The following DLG2 variants were observed in gnomAD, a reference collection of about 807,000 sequenced individuals.
The protein encoded by DLG2 is disks large homolog 2.
In DLG2, 45 loss-of-function variants were observed where a neutral mutation model predicts 132.5. The observed-to-expected ratio is 0.34, with a 90% CI of 0.27 to 0.44. DLG2 has a LOEUF of 0.44. Ranked by LOEUF, DLG2 falls within the 20% of genes least tolerant of loss-of-function variation. DLG2 has a pLI of 1.00. For missense variants in DLG2, 1,045 were observed against 1,196.9 expected, an observed-to-expected ratio of 0.87 and a Z score of 1.87; for synonymous variants, 424 against 419.6, an observed-to-expected ratio of 1.01 and a Z score of -0.13.
intron 7 of DLG2, among the ~76,000 whole-genome samples, chr11:84,308,951 C>G (rs2098260109): frequency 6.6e-6 from 1 of 152,214 alleles, no homozygotes; most frequent in African/African-American, 2.4e-5. Flanking sequence ...AGGGAGCCGG[C>G]TCCGGCCTTG....
At chr11:85,147,832 C>T (rs551751758) in intron 5 of DLG2, among the ~76,000 whole-genome samples, 48 of 152,094 alleles carry the variant, frequency 3.2e-4, no homozygotes, top group Non-Finnish European at 2.6e-4. Context: ...GGTTGCTGCA[C>T]CTATCAACCA....
At chr11:84,199,382 G>C (rs1566906111) in intron 8 of DLG2, among the ~76,000 whole-genome samples, 1 of 151,868 alleles carries the variant, frequency 6.6e-6, no homozygotes, top group Non-Finnish European at 1.5e-5. Flanking sequence ...TCACTCTCTG[G>C]GAAAAACGTT....
At chr11:84,156,153 G>T (rs148782091) in intron 9 of DLG2, among the ~76,000 whole-genome samples, 1 of 152,268 alleles carries the variant, frequency 6.6e-6, no homozygotes, top group Non-Finnish European at 1.5e-5. Flanking sequence ...GATGCCTAGA[G>T]TATAATTCCA....
intron 18 of DLG2, chr11:83,691,937 G>GT (rs2081073378): frequency 6.6e-6 from 1 of 152,176 alleles, no homozygotes; most frequent in African/African-American, 2.4e-5. Flanking sequence ...CATGGACTAC[G>GT]TAAAGTTGTG....
intron 3 of DLG2, among the ~76,000 whole-genome samples, chr11:85,367,336 T>C (rs2084636689): frequency 6.6e-6 from 1 of 152,150 alleles, no homozygotes; most frequent in African/African-American, 2.4e-5. Flanking sequence ...CTGAAGAGTT[T>C]ACTTAAACTT....
intron 6 of DLG2, among the ~76,000 whole-genome samples, chr11:85,085,684 A>C (rs2067831754): frequency 6.6e-6 from 1 of 152,190 alleles, no homozygotes; most frequent in African/African-American, 2.4e-5. Context: ...CAATTTAATT[A>C]CATTAATATG....
At chr11:84,786,238 C>A (rs72947803) in intron 6 of DLG2, among the ~76,000 whole-genome samples, 352 of 152,200 alleles carry the variant, frequency 2.3e-3, no homozygotes, top group Non-Finnish European at 4.4e-3. Flanking sequence ...TGTAACTACC[C>A]TAAGCCCTCA....
In DLG2 at chr11:84,952,361, C is replaced by CA. The variant is rs777797589; in HGVS notation, c.357+159299dup. Among the ~76,000 whole-genome samples the CA allele has an allele frequency of 1.1e-4, 17 of 152,076 alleles. No homozygotes were observed. In the East Asian group the frequency reaches 1.4e-3, roughly 12 times the overall value. On this transcript the variant is annotated intron_variant, in intron 6 of 27. Coordinates refer to ENST00000376104, the MANE Select transcript of DLG2 (RefSeq NM_001142699.3). ...TGAAACCCCGTCTCTACTAAAAATA[C>CA]AAAAAATTAGCCGGGCGCAGTGGCG...
intron 3 of DLG2, among the ~76,000 whole-genome samples, chr11:85,303,070 A>G (rs772988626): frequency 1.3e-5 from 2 of 152,178 alleles, no homozygotes; most frequent in Non-Finnish European, 2.9e-5. Context: ...GCTCTTAACC[A>G]CTATCCTAAG....
At chr11:84,156,229 C>G (rs1436833390) in intron 9 of DLG2, among the ~76,000 whole-genome samples, 1 of 152,168 alleles carries the variant, frequency 6.6e-6, no homozygotes, top group East Asian at 1.9e-4. Context: ...CTCAAGCTTT[C>G]CTGACTCCCT....
chr11:84,830,599 T>C (rs560602016), intron 6 of DLG2, among the ~76,000 whole-genome samples: 5 of 151,654 alleles, frequency 3.3e-5, no homozygotes, highest in Non-Finnish European at 5.9e-5. Flanking sequence ...GTACTCTCCT[T>C]CACCCTTCAT....
chr11:85,068,639 A>G (rs370767656), intron 6 of DLG2, among the ~76,000 whole-genome samples: 5 of 152,214 alleles, frequency 3.3e-5, no homozygotes, highest in Admixed American at 1.3e-4. Context: ...CCACTGCTCA[A>G]GGAAATAAAA....
chr11:84,319,168 C>G (rs1020532439), intron 7 of DLG2, among the ~76,000 whole-genome samples: 1 of 152,110 alleles, frequency 6.6e-6, no homozygotes, highest in African/African-American at 2.4e-5. Flanking sequence ...TACCTGAAGA[C>G]AGTGACGAAA....
At chr11:84,656,432 A>C (rs370527217) in intron 6 of DLG2, among the ~76,000 whole-genome samples, 71 of 152,308 alleles carry the variant, frequency 4.7e-4, no homozygotes, top group Middle Eastern at 3.4e-3. Flanking sequence ...TAATACACTG[A>C]AATTTTAGAA....
At chr11:83,553,077 C>G (rs1355860205) in intron 19 of DLG2, among the ~76,000 whole-genome samples, 2 of 152,114 alleles carry the variant, frequency 1.3e-5, no homozygotes, top group African/African-American at 4.8e-5. Context: ...TATCTCTGTG[C>G]CCCTTGCAAA....
intron 4 of DLG2, among the ~76,000 whole-genome samples, chr11:85,262,655 GT>G (rs1354262800): frequency 6.6e-6 from 1 of 152,134 alleles, no homozygotes. Flanking sequence ...AGTTAACCAC[GT>G]CTATCTTTAG....
intron 2 of DLG2, among the ~76,000 whole-genome samples, chr11:85,624,850 T>C (rs2081951658): frequency 2.0e-5 from 3 of 151,968 alleles, no homozygotes; most frequent in South Asian, 4.2e-4. Context: ...CAATTCATTA[T>C]TGAAGAAGGA....
chr11:84,832,111 T>C (rs2079123899), intron 6 of DLG2, among the ~76,000 whole-genome samples: 1 of 151,730 alleles, frequency 6.6e-6, no homozygotes, highest in Admixed American at 6.6e-5. Flanking sequence ...AGAGGAATTC[T>C]GGATTCTTCT....
chr11:84,850,281 T>A (rs1238359786), intron 6 of DLG2, among the ~76,000 whole-genome samples: 1 of 152,148 alleles, frequency 6.6e-6, no homozygotes, highest in Non-Finnish European at 1.5e-5. Context: ...TTTCCCCAAA[T>A]GGCAGTTGAA....
Sources: gnomAD v4.1 joint callset for allele counts (sites outside exome capture counted in the v4.1 genomes callset) on GRCh38, gnomAD v4.1.1 for gene constraint, MANE v1.5 for transcripts, NCBI Gene and HGNC (gene_info 2026-07-23, HGNC 2026-07-21) for gene names.